PHF21A: variants seen among roughly 807,000 people sequenced by gnomAD.
PHF21A encodes BHC80a.
A neutral mutation model predicts 82.5 loss-of-function variants in PHF21A; 11 were observed. That is an observed-to-expected ratio of 0.13 (90% CI 0.08 to 0.22). The LOEUF is 0.22. Among genes scored for constraint, PHF21A ranks in the 10% least tolerant of loss-of-function variants. The pLI, the probability that PHF21A is intolerant of heterozygous loss-of-function variation, is 1.00. For missense variants in PHF21A, 579 were observed against 837.8 expected, an observed-to-expected ratio of 0.69 and a Z score of 3.81; for synonymous variants, 297 against 302.8, an observed-to-expected ratio of 0.98 and a Z score of 0.20.
chr11:46,070,607 A>G (rs2096645903), intron 6 of PHF21A, among the ~76,000 whole-genome samples: 2 of 152,208 alleles, frequency 1.3e-5, no homozygotes, highest in Non-Finnish European at 2.9e-5. Flanking sequence ...CTGGGATTAC[A>G]GCCGTGAGCC....
intron 1 of PHF21A, among the ~76,000 whole-genome samples, chr11:46,095,113 AC>A (rs1474814482): frequency 6.6e-6 from 1 of 152,214 alleles, no homozygotes; most frequent in Non-Finnish European, 1.5e-5. Context: ...TGATTCTTAA[AC>A]ACTGTGCACA....
At chr11:45,986,915 C>T (rs1240668428) in intron 6 of PHF21A, among the ~76,000 whole-genome samples, 1 of 151,518 alleles carries the variant, frequency 6.6e-6, no homozygotes, top group Non-Finnish European at 1.5e-5. Context: ...ATGACAACTG[C>T]CAAAAAGAAA....
intron 1 of PHF21A, among the ~76,000 whole-genome samples, chr11:46,108,859 A>T (rs1394912128): frequency 6.6e-6 from 1 of 152,204 alleles, no homozygotes; most frequent in Non-Finnish European, 1.5e-5. Context: ...CCCAACTTCC[A>T]AACTTTAAGA....
chr11:46,055,930 T>C (rs2096448723), intron 6 of PHF21A, among the ~76,000 whole-genome samples: 1 of 152,176 alleles, frequency 6.6e-6, no homozygotes, highest in Non-Finnish European at 1.5e-5. Flanking sequence ...GTGTCTCAAA[T>C]GAGGACACTG....
At chr11:46,007,991 C>A (rs12801668) in intron 6 of PHF21A, among the ~76,000 whole-genome samples, 1,672 of 152,258 alleles carry the variant, frequency 0.011, 19 homozygotes, top group Middle Eastern at 0.058. Flanking sequence ...GATTACCATG[C>A]TCCAGATAAG....
In PHF21A at chr11:45,944,508, G is replaced by A. The variant is rs1336395083; in HGVS notation, c.1452+1332C>T. ...AATGGTCTCCCATTTTACTGAGAAC[G>A]AAAGCCACAAAGCCCTGCGCAACTG... On this transcript the variant is annotated intron_variant, in intron 15 of 18. Coordinates refer to ENST00000676320, the MANE Select transcript of PHF21A (RefSeq NM_001352027.3). 3.3e-5 allele frequency among the ~76,000 whole-genome samples: 5 copies of A among 152,120 alleles called. 1 individual carries two copies. The South Asian group carries it at 6.2e-4, about 19-fold the overall frequency.
rs2094813636 is a variant in PHF21A at position 45,993,987 on chromosome 11, G to A, written c.154-14021C>T. Among the ~76,000 whole-genome samples the A allele has an allele frequency of 2.0e-5, 3 of 152,086 alleles. 1 individual carries two copies. The South Asian group carries it at 6.2e-4, about 32-fold the overall frequency. On this transcript the variant is annotated intron_variant, in intron 6 of 18. Transcript: ENST00000676320. ...CTAGATAACTTGCTTCAAAGTGCCAGGGAGACTGTACTTCTGTCATCCAAG... is the reference window on the plus strand; with the variant it reads ...CTAGATAACTTGCTTCAAAGTGCCAAGGAGACTGTACTTCTGTCATCCAAG...
intron 6 of PHF21A, among the ~76,000 whole-genome samples, chr11:46,055,669 C>G (rs1457912937): frequency 6.6e-6 from 1 of 152,092 alleles, no homozygotes; most frequent in Non-Finnish European, 1.5e-5. Flanking sequence ...AAAGGAATGT[C>G]AGGCACAGAG....
At chr11:46,018,660 T>A (rs569833544) in intron 6 of PHF21A, among the ~76,000 whole-genome samples, 1 of 152,346 alleles carries the variant, frequency 6.6e-6, no homozygotes, top group South Asian at 2.1e-4. Context: ...TCACATGACT[T>A]GGCAAAAGAT....
At chr11:46,028,073 T>A (rs1000608820) in intron 6 of PHF21A, among the ~76,000 whole-genome samples, 1 of 151,946 alleles carries the variant, frequency 6.6e-6, no homozygotes, top group South Asian at 2.1e-4. Flanking sequence ...ATTCTTGAGT[T>A]GGAAATCTCT....
intron 1 of PHF21A, among the ~76,000 whole-genome samples, chr11:46,120,699 AC>A (rs1566108660): frequency 6.9e-6 from 1 of 145,704 alleles, no homozygotes; most frequent in Non-Finnish European, 1.5e-5. Flanking sequence ...TGACGAGAAC[AC>A]CCCCCTTTCC....
At chr11:46,023,911 G>GTGCC (rs1290379287) in intron 6 of PHF21A, among the ~76,000 whole-genome samples, 10 of 152,168 alleles carry the variant, frequency 6.6e-5, no homozygotes, top group Non-Finnish European at 1.2e-4. Context: ...AGCCAAGATC[G>GTGCC]TGCCATTGCA....
chr11:46,012,134 G>C (rs11821705), intron 6 of PHF21A, among the ~76,000 whole-genome samples: 1 of 152,108 alleles, frequency 6.6e-6, no homozygotes, highest in Non-Finnish European at 1.5e-5. Flanking sequence ...CAGGCCAAAG[G>C]CTCTGCCTGA....
chr11:45,978,256 G>A (rs2094131188), intron 7 of PHF21A, among the ~76,000 whole-genome samples: 1 of 152,104 alleles, frequency 6.6e-6, no homozygotes, highest in African/African-American at 2.4e-5. Flanking sequence ...AGCCAAGACT[G>A]CGCCACTGCA....
chr11:45,949,346 C>G, intron 13 of PHF21A, 56 bp downstream of exon 13: 1 of 1,413,992 alleles, frequency 7.1e-7, no homozygotes. Context: ...AGGCACTGAA[C>G]AGCTCATAAA....
At chr11:45,978,276 G>C (rs1263202859) in intron 7 of PHF21A, among the ~76,000 whole-genome samples, 2 of 152,096 alleles carry the variant, frequency 1.3e-5, no homozygotes, top group Non-Finnish European at 2.9e-5. Flanking sequence ...ACTCCAGCCT[G>C]GGTGACACAG....
At chr11:46,016,853 G>A (rs537590550) in intron 6 of PHF21A, among the ~76,000 whole-genome samples, 2 of 151,798 alleles carry the variant, frequency 1.3e-5, no homozygotes, top group Admixed American at 1.3e-4. Context: ...AAATTAAACA[G>A]ACACGACCTC....
chr11:46,017,225 C>T (rs988362097), intron 6 of PHF21A, among the ~76,000 whole-genome samples: 7 of 152,202 alleles, frequency 4.6e-5, no homozygotes, highest in African/African-American at 1.7e-4. Context: ...CTCGCCTCAG[C>T]CTCCCAGAGT....
chr11:46,066,820 G>A (rs974641678), intron 6 of PHF21A, among the ~76,000 whole-genome samples: 1 of 152,202 alleles, frequency 6.6e-6, no homozygotes, highest in African/African-American at 2.4e-5. Context: ...GAATGGTTCT[G>A]TGTAAACAAT....
Sources: gnomAD v4.1 joint callset for allele counts (sites outside exome capture counted in the v4.1 genomes callset) on GRCh38, gnomAD v4.1.1 for gene constraint, MANE v1.5 for transcripts, NCBI Gene and HGNC (gene_info 2026-07-23, HGNC 2026-07-21) for gene names.